The following PRDM2 variants were observed in gnomAD, a reference collection of about 807,000 sequenced individuals.
The protein encoded by PRDM2 is PR/SET domain 2, also known as PR domain zinc finger protein 2.
PRDM2 carries 30 observed loss-of-function variants against 130.0 expected under a neutral mutation model. That is an observed-to-expected ratio of 0.23 (90% CI 0.17 to 0.31). The LOEUF is 0.31. PRDM2 is among the 10% of genes least tolerant of loss of function. The pLI, the probability that PRDM2 is intolerant of heterozygous loss-of-function variation, is 1.00. For synonymous variants in PRDM2, 871 were observed against 782.4 expected (o/e 1.11, Z -1.89); for missense variants, 2,011 against 2,108.4 (o/e 0.95, Z 0.90).
At chr1:13,715,290 T>C (rs560208471) in intron 1 of PRDM2, among the ~76,000 whole-genome samples, 2 of 152,222 alleles carry the variant, frequency 1.3e-5, no homozygotes, top group Non-Finnish European at 2.9e-5. Context: ...AAGCAAAGAT[T>C]TGATGTCCTC....
intron 6 of PRDM2, among the ~76,000 whole-genome samples, chr1:13,763,270 G>T (rs959737570): frequency 2.6e-5 from 4 of 152,186 alleles, no homozygotes; most frequent in African/African-American, 9.7e-5. Context: ...ACAGGAAAAA[G>T]AATATGGGGT....
At chr1:13,817,860 C>T (rs976840312) in intron 9 of PRDM2, among the ~76,000 whole-genome samples, 2 of 152,020 alleles carry the variant, frequency 1.3e-5, no homozygotes, top group African/African-American at 4.8e-5. Flanking sequence ...ATTAGCCGGG[C>T]ATGGTGGTGG....
chr1:13,730,848 C>G, intron 2 of PRDM2, 152 bp from the exon 3 acceptor site: 1 of 576,022 alleles, frequency 1.7e-6, no homozygotes, highest in East Asian at 2.9e-5. Context: ...AGCAGCTCCT[C>G]AAATGCTTGA....
chr1:13,799,818 A>G (rs141575326), intron 8 of PRDM2, among the ~76,000 whole-genome samples: 1 of 152,358 alleles, frequency 6.6e-6, no homozygotes, highest in East Asian at 1.9e-4. Flanking sequence ...TTTATGAAAA[A>G]CAAGTTGAAT....
At chr1:13,759,842 A>G (rs921058290) in intron 6 of PRDM2, among the ~76,000 whole-genome samples, 8 of 152,334 alleles carry the variant, frequency 5.3e-5, no homozygotes, top group Admixed American at 1.3e-4. Context: ...CCAAGAAAAT[A>G]AGGAAAAAGT....
intron 8 of PRDM2, among the ~76,000 whole-genome samples, chr1:13,809,069 A>G (rs1474091983): frequency 6.6e-6 from 1 of 152,234 alleles, no homozygotes; most frequent in Non-Finnish European, 1.5e-5. Flanking sequence ...CCGAGGCTAC[A>G]GGCCACTGGG....
chr1:13,701,538 G>T (rs1304672004), intron 1 of PRDM2, among the ~76,000 whole-genome samples: 1 of 152,050 alleles, frequency 6.6e-6, no homozygotes, highest in African/African-American at 2.4e-5. Flanking sequence ...TTCTTTTTTA[G>T]TAGGGTTCTG....
At chr1:13,754,437 G>C (rs1191679893) in intron 6 of PRDM2, among the ~76,000 whole-genome samples, 1 of 152,172 alleles carries the variant, frequency 6.6e-6, no homozygotes, top group African/African-American at 2.4e-5. Context: ...TGGATAACTT[G>C]TCCAAGATCA....
At chr1:13,714,534 A>C (rs1326364467) in intron 1 of PRDM2, among the ~76,000 whole-genome samples, 1 of 152,220 alleles carries the variant, frequency 6.6e-6, no homozygotes, top group African/African-American at 2.4e-5. Context: ...GTGGTTAAAT[A>C]GATCAAGAAA....
chr1:13,789,977 C>CGT (rs1168911752), intron 8 of PRDM2, among the ~76,000 whole-genome samples: 2 of 152,196 alleles, frequency 1.3e-5, no homozygotes, highest in African/African-American at 4.8e-5. Flanking sequence ...TGCTGTTGAG[C>CGT]GTATGTTCGA....
chr1:13,764,117 T>C (rs1392460713), intron 6 of PRDM2, among the ~76,000 whole-genome samples: 1 of 152,178 alleles, frequency 6.6e-6, no homozygotes, highest in African/African-American at 2.4e-5. Context: ...GGAAACATGA[T>C]TTTCTTCTTA....
At chr1:13,784,530 G>A (rs1304738960) in intron 8 of PRDM2, among the ~76,000 whole-genome samples, 5 of 152,174 alleles carry the variant, frequency 3.3e-5, no homozygotes, top group Non-Finnish European at 7.3e-5. Flanking sequence ...GAAAAATTAA[G>A]TTCTGCAAAG....
intron 9 of PRDM2, among the ~76,000 whole-genome samples, chr1:13,822,671 C>T (rs557840916): frequency 9.9e-5 from 15 of 152,132 alleles, no homozygotes; most frequent in African/African-American, 3.1e-4. Context: ...GGATTACAGT[C>T]GTGAGCCACC....
chr1:13,818,900 G>T (rs1645302176), intron 9 of PRDM2, among the ~76,000 whole-genome samples: 1 of 152,146 alleles, frequency 6.6e-6, no homozygotes, highest in Non-Finnish European at 1.5e-5. Flanking sequence ...TGTTGAAATG[G>T]ACTGTAAGAT....
At chr1:13,727,119 T>G (rs1200439474) in intron 2 of PRDM2, among the ~76,000 whole-genome samples, 2 of 152,196 alleles carry the variant, frequency 1.3e-5, no homozygotes, top group Non-Finnish European at 2.9e-5. Context: ...GCCTGGATAC[T>G]GCGTTTCCTC....
chr1:13,742,305 G>A (rs751265389), intron 5 of PRDM2, 148 bp downstream of exon 5: 19 of 886,184 alleles, frequency 2.1e-5, no homozygotes, highest in African/African-American at 5.1e-5. Flanking sequence ...AGCCTTGGGC[G>A]ATCCTCGGAC....
intron 6 of PRDM2, among the ~76,000 whole-genome samples, chr1:13,756,924 G>T (rs1643970061): frequency 6.6e-6 from 1 of 152,182 alleles, no homozygotes; most frequent in African/African-American, 2.4e-5. Context: ...ATGTGCTTTG[G>T]CCGAGTTCAC....
intron 8 of PRDM2, among the ~76,000 whole-genome samples, chr1:13,808,529 G>A (rs1645122004): frequency 6.6e-6 from 1 of 150,558 alleles, no homozygotes. Context: ...GTCTAGGATT[G>A]AGGACTACGT....
chr1:13,731,033 C>A lies in PRDM2; in HGVS notation c.43C>A (p.Leu15Met), dbSNP rs1474908072. The A allele has an allele frequency of 6.2e-7, 1 of 1,612,536 alleles. No homozygotes were observed. Among genetic ancestry groups the A allele is most frequent in the Non-Finnish European group, 8.5e-7 (1 of 1,179,760 alleles). ...TTEPVAATET[L>M]AEVPEHVLRG... ...TGAGCCTGTGGCGGCCACCGAGACC[C>A]TGGCTGAGGTACCCGAACATGTGCT... The change falls in exon 3 of 10, where the codon CTG (leucine) becomes ATG (methionine). Residue 15 changes from leucine to methionine, a missense_variant. Coordinates refer to ENST00000311066, the MANE Select transcript of PRDM2 (RefSeq NM_001393986.1).
Sources: gnomAD v4.1 joint callset for allele counts (sites outside exome capture counted in the v4.1 genomes callset) on GRCh38, gnomAD v4.1.1 for gene constraint, MANE v1.5 for transcripts, NCBI Gene and HGNC (gene_info 2026-07-23, HGNC 2026-07-21) for gene names.